The following LPIN2 variants were observed in gnomAD, a reference collection of about 807,000 sequenced individuals.
The protein encoded by LPIN2 is phosphatidate phosphatase LPIN2.
A neutral mutation model predicts 111.4 loss-of-function variants in LPIN2; 55 were observed. The ratio of observed to expected loss-of-function variants is 0.49; its 90% confidence interval spans 0.40 to 0.62. The LOEUF is 0.62. Ranked by LOEUF, LPIN2 falls within the 20% of genes least tolerant of loss-of-function variation. LPIN2 has a pLI of 0.00. For missense variants in LPIN2, 992 were observed against 1,112.1 expected, an observed-to-expected ratio of 0.89 and a Z score of 1.54; for synonymous variants, 425 against 414.0, an observed-to-expected ratio of 1.03 and a Z score of -0.32.
chr18:2,957,877 G>A (rs12970468), intron 2 of LPIN2, among the ~76,000 whole-genome samples: 57,370 of 151,676 alleles, frequency 0.38, 11,194 homozygotes, highest in East Asian at 0.62. Flanking sequence ...CTGACCAGGC[G>A]TGGTGGCTCA....
chr18:2,979,187 G>C (rs1319184941), intron 1 of LPIN2: 1 of 152,246 alleles, frequency 6.6e-6, no homozygotes, highest in Admixed American at 6.5e-5. Context: ...ATCTCCTCTA[G>C]GCCAGGCCAG....
chr18:2,980,797 G>C (rs1479985577), intron 1 of LPIN2, among the ~76,000 whole-genome samples: 5 of 152,066 alleles, frequency 3.3e-5, no homozygotes, highest in African/African-American at 1.2e-4. Flanking sequence ...GTGACCTCTA[G>C]AGTCCCCCCC....
At chr18:2,982,145 C>T (rs1321405614) in intron 1 of LPIN2, among the ~76,000 whole-genome samples, 4 of 152,132 alleles carry the variant, frequency 2.6e-5, no homozygotes, top group East Asian at 3.9e-4. Flanking sequence ...ATTTTCCCCA[C>T]ATACTTCAAG....
chr18:2,965,279 C>A (rs1034820988), intron 1 of LPIN2, among the ~76,000 whole-genome samples: 2 of 152,082 alleles, frequency 1.3e-5, no homozygotes, highest in Non-Finnish European at 2.9e-5. Context: ...TCATATTTTT[C>A]TTATCAAATA....
Position 2,925,144 on chromosome 18 carries a change from T to C in LPIN2, c.1938+80A>G. 1.3e-6 allele frequency: 2 copies of C among 1,554,640 alleles called. No homozygotes were observed. Among genetic ancestry groups the C allele is most frequent in the South Asian group, 1.1e-5 (1 of 89,506 alleles). Reference sequence around the variant, plus strand: ...TGGCGTGTATGCAGCTGGGGACGTGTGGACAGAAGAGGATGTGCATCAAAT... The same window carrying C: ...TGGCGTGTATGCAGCTGGGGACGTGCGGACAGAAGAGGATGTGCATCAAAT... On this transcript the variant is annotated intron_variant, in intron 14 of 19. Coordinates refer to ENST00000677752, the MANE Select transcript of LPIN2 (RefSeq NM_001375808.2). The surrounding 1 kb of genome is among the most constrained non-coding windows in gnomAD (Gnocchi z 4.1).
intron 16 of LPIN2, among the ~76,000 whole-genome samples, chr18:2,923,326 AGAAGAATCACTT>A (rs1555672463): frequency 6.8e-6 from 1 of 147,318 alleles, no homozygotes; most frequent in Non-Finnish European, 1.5e-5. Context: ...AGACTGAGGC[AGAAGAATCACTT>A]GAACCCGGGA....
chr18:2,946,909 C>G (rs1185795750), intron 4 of LPIN2: 3 of 275,250 alleles, frequency 1.1e-5, no homozygotes, highest in Non-Finnish European at 2.1e-5. Context: ...ACATATGGAG[C>G]CCTGCAATAC....
chr18:2,991,465 C>T (rs902232318), intron 1 of LPIN2, among the ~76,000 whole-genome samples: 1 of 152,116 alleles, frequency 6.6e-6, no homozygotes, highest in Non-Finnish European at 1.5e-5. Flanking sequence ...GTGGCTCACA[C>T]TGGGGCGGAC....
At chr18:2,934,532 G>GT (rs1213727819) in intron 7 of LPIN2, 82 bp from the exon 8 acceptor site, 5 of 876,394 alleles carry the variant, frequency 5.7e-6, no homozygotes, top group Non-Finnish European at 9.5e-6. Flanking sequence ...TTTGCAAACA[G>GT]TAAGAGTGAC....
At chr18:3,001,775 A>C (rs2078439200) in intron 1 of LPIN2, among the ~76,000 whole-genome samples, 2 of 152,200 alleles carry the variant, frequency 1.3e-5, no homozygotes, top group Non-Finnish European at 2.9e-5. Context: ...ATGTACTTAA[A>C]TGTTTAAATT....
intron 8 of LPIN2, among the ~76,000 whole-genome samples, chr18:2,933,779 G>A (rs1028767735): frequency 2.0e-5 from 3 of 152,150 alleles, no homozygotes; most frequent in Non-Finnish European, 4.4e-5. Flanking sequence ...CAGTCCAAGT[G>A]TATCATATTT....
At chr18:2,934,222 C>A in intron 8 of LPIN2, 129 bp downstream of exon 8, 1 of 686,436 alleles carries the variant, frequency 1.5e-6, no homozygotes, top group South Asian at 1.7e-5. Flanking sequence ...TTTCCAAAAC[C>A]TGAAGCCATC....
chr18:2,994,582 C>A (rs1337000415), intron 1 of LPIN2, among the ~76,000 whole-genome samples: 2 of 152,198 alleles, frequency 1.3e-5, no homozygotes, highest in Non-Finnish European at 2.9e-5. Context: ...ATGGGATATC[C>A]ATCCCCTCGA....
chr18:2,939,434 T>C (rs1269220766), intron 6 of LPIN2, 46 bp downstream of exon 6: 2 of 1,610,506 alleles, frequency 1.2e-6, no homozygotes. Context: ...ATTCGTCACT[T>C]GTTTAATCAT....
chr18:2,977,949 T>C (rs1040110580), intron 1 of LPIN2, among the ~76,000 whole-genome samples: 8 of 152,098 alleles, frequency 5.3e-5, no homozygotes, highest in African/African-American at 1.7e-4. Flanking sequence ...TCCCAGCACT[T>C]TGGGAGGCCA....
intron 4 of LPIN2, among the ~76,000 whole-genome samples, chr18:2,941,179 C>T (rs564196676): frequency 3.1e-4 from 47 of 152,312 alleles, no homozygotes; most frequent in Non-Finnish European, 5.6e-4. Flanking sequence ...CTACTGAATA[C>T]ATTTGAAAAT....
intron 4 of LPIN2, among the ~76,000 whole-genome samples, chr18:2,943,199 T>TGTTTTGTTTTG (rs756655372): frequency 8.5e-5 from 10 of 117,328 alleles, no homozygotes; most frequent in Non-Finnish European, 1.5e-4. Context: ...CCTCAGTTTT[T>TGTTTTGTTTTG]TTTCTGTTTT....
At chr18:2,995,551 A>AT (rs1293948592) in intron 1 of LPIN2, among the ~76,000 whole-genome samples, 1 of 152,244 alleles carries the variant, frequency 6.6e-6, no homozygotes, top group Non-Finnish European at 1.5e-5. Context: ...ACTGTGTAAC[A>AT]TGACATGAGG....
At chr18:2,946,164 G>A in intron 4 of LPIN2, 2 of 1,609,986 alleles carry the variant, frequency 1.2e-6, no homozygotes, top group Non-Finnish European at 1.7e-6. Flanking sequence ...GCTTGTTTTA[G>A]GGAGGCAGAT....
Sources: gnomAD v4.1 joint callset for allele counts (sites outside exome capture counted in the v4.1 genomes callset) on GRCh38, gnomAD v4.1.1 for gene constraint, Gnocchi (gnomAD v3.1) non-coding constraint, MANE v1.5 for transcripts, NCBI Gene and HGNC (gene_info 2026-07-23, HGNC 2026-07-21) for gene names.